VPS36: variants seen among roughly 807,000 people sequenced by gnomAD.
VPS36 encodes the protein vacuolar protein sorting 36 homolog, also known as vacuolar protein-sorting-associated protein 36.
In VPS36, 31 loss-of-function variants were observed where a neutral mutation model predicts 63.5. That is an observed-to-expected ratio of 0.49 (90% CI 0.37 to 0.66). The LOEUF is 0.66. Ranked by LOEUF, VPS36 falls within the 30% of genes least tolerant of loss-of-function variation. VPS36 has a pLI of 0.00. For missense variants in VPS36, 338 were observed against 463.7 expected (o/e 0.73, Z 2.49); for synonymous variants, 138 against 157.2 (o/e 0.88, Z 0.91).
At chr13:52,426,964 G>T in intron 8 of VPS36, 25 bp downstream of exon 8, 1 of 1,553,164 alleles carries the variant, frequency 6.4e-7, no homozygotes, top group Non-Finnish European at 8.8e-7. Context: ...AGTTTCAAAT[G>T]CCTTAAAAAA....
Position 52,426,057 on chromosome 13 carries a change from A to T in VPS36, c.649T>A (p.Phe217Ile), listed in dbSNP as rs1012947506. 1.2e-6 allele frequency: 2 copies of T among 1,612,312 alleles called. No individual in the cohort carries two copies. Among genetic ancestry groups the T allele is most frequent in the Non-Finnish European group, 1.7e-6 (2 of 1,179,598 alleles). Residue 217 changes from phenylalanine to isoleucine, a missense_variant, in exon 9 of 14, where the codon TTT (phenylalanine) becomes ATT (isoleucine). By Grantham distance (21) the Phe-to-Ile change is conservative. Transcript: ENST00000378060. ...GDITEDETIR[F>I]KSYLLSMGIA... ...CCCATGCTCAGCAAGTAGGATTTAAACCTGATGGTCTATAATAAAAAAGGA... is the reference window on the plus strand; with the variant it reads ...CCCATGCTCAGCAAGTAGGATTTAATCCTGATGGTCTATAATAAAAAAGGA...
chr13:52,425,380 A>G (rs983553467), intron 9 of VPS36, among the ~76,000 whole-genome samples: 1 of 152,220 alleles, frequency 6.6e-6, no homozygotes, highest in Non-Finnish European at 1.5e-5. Flanking sequence ...TTAGAGTTAC[A>G]TAATGAAATG....
chr13:52,416,813 C>T (rs960144449), intron 12 of VPS36, among the ~76,000 whole-genome samples: 1 of 152,234 alleles, frequency 6.6e-6, no homozygotes, highest in African/African-American at 2.4e-5. Flanking sequence ...AAGCACCTCA[C>T]TCACTAATTC....
intron 6 of VPS36, among the ~76,000 whole-genome samples, chr13:52,431,782 AGAAAG>A (rs1566086509): frequency 4.1e-5 from 6 of 147,796 alleles, no homozygotes; most frequent in South Asian, 2.2e-4. Context: ...AAAAAAAAAA[AGAAAG>A]AAAGAAACCA....
At position 52,418,061 on chromosome 13, in the gene VPS36, T is replaced by C. The variant is rs367656129; in HGVS notation, c.841-5A>G. ...TAAATCTTCTGGTGAGAGCAACTAA[T>C]AGGGAAAAAAAATCCAGTAATGCTA... On this transcript the variant is annotated splice_polypyrimidine_tract_variant and splice_region_variant and intron_variant, in intron 10 of 13. Transcript: ENST00000378060. The C allele has an allele frequency of 1.7e-5, 28 of 1,608,430 alleles. No homozygotes were observed. The highest frequency in any genetic ancestry group is 2.7e-5 in the African/African-American group (2 of 74,686).
Position 52,449,420 on chromosome 13 carries a change from G to A in VPS36, c.96+1079C>T, listed in dbSNP as rs190255172. Among the ~76,000 whole-genome samples the A allele has an allele frequency of 3.3e-3, 507 of 152,300 alleles. 6 individuals are homozygous for A. The highest frequency in any genetic ancestry group is 0.012 in the African/African-American group (478 of 41,562). On this transcript the variant is annotated intron_variant, in intron 1 of 13. Coordinates refer to ENST00000378060, the MANE Select transcript of VPS36 (RefSeq NM_016075.4). ...GTCCAAGCAAATTATTTAAGGAAAA[G>A]ACCTTTACTCACTAATACAGGCAAC... is the stretch of plus-strand genomic sequence containing the variant.
intron 4 of VPS36, among the ~76,000 whole-genome samples, chr13:52,435,735 T>C (rs897540665): frequency 6.6e-6 from 1 of 152,292 alleles, no homozygotes; most frequent in East Asian, 1.9e-4. Flanking sequence ...CTGGGTGAGG[T>C]GATATAGAAA....
intron 1 of VPS36, among the ~76,000 whole-genome samples, chr13:52,444,465 T>A (rs1009870407): frequency 1.2e-4 from 17 of 147,798 alleles, no homozygotes; most frequent in South Asian, 2.1e-4. Flanking sequence ...GTTTAAAAAA[T>A]ACATATATAT....
rs775522140 is a variant in VPS36, at chr13:52,436,392, C to T, written c.249G>A (p.Val83=). The change falls in exon 4 of 14, where the codon GTG becomes GTA. Residue 83 remains valine, a synonymous_variant. Transcript: ENST00000378060. ...TAGGAGGAGCTGGGTGAAGATGAACCACTATTTTGGCACTGAAGAAAGAAC... is the reference window on the plus strand; with the variant it reads ...TAGGAGGAGCTGGGTGAAGATGAACTACTATTTTGGCACTGAAGAAAGAAC... The part of the protein sequence containing the change: ...AAGIGKSAKI[V]VHLHPAPPNK... The T allele has an allele frequency of 1.3e-5, 21 of 1,610,590 alleles. No homozygotes were observed. Among genetic ancestry groups the T allele is most frequent in the South Asian group, 1.0e-4 (9 of 90,176 alleles).
At chr13:52,436,193 A>G (rs1958213307) in intron 4 of VPS36, 97 bp downstream of exon 4, 6 of 759,266 alleles carry the variant, frequency 7.9e-6, no homozygotes, top group Non-Finnish European at 1.3e-5. Context: ...GTATAATACT[A>G]CCTTCCATCA....
At chr13:52,447,839 G>A (rs929354504) in intron 1 of VPS36, among the ~76,000 whole-genome samples, 1 of 150,918 alleles carries the variant, frequency 6.6e-6, no homozygotes, top group African/African-American at 2.4e-5. Context: ...CTGGAGTGCA[G>A]TGGCACAATC....
chr13:52,426,923 A>G (rs1439770274), intron 8 of VPS36, 66 bp downstream of exon 8: 178 of 1,059,238 alleles, frequency 1.7e-4, no homozygotes, highest in Non-Finnish European at 5.6e-6. Flanking sequence ...GCCAATGTAA[A>G]CCACAAAAAC....
At chr13:52,445,779 TACAAAA>T (rs1958332735) in intron 1 of VPS36, among the ~76,000 whole-genome samples, 1 of 85,580 alleles carries the variant, frequency 1.2e-5, no homozygotes, top group African/African-American at 3.4e-5. Flanking sequence ...CTACTAAAAA[TACAAAA>T]AAAAAATAGC....
At chr13:52,429,398 TTCCA>T in intron 6 of VPS36, 1 of 657,748 alleles carries the variant, frequency 1.5e-6, no homozygotes, top group Non-Finnish European at 1.9e-6. Context: ...AGCCTTTGAC[TTCCA>T]TATTCCTGCT....
At chr13:52,450,182 C>T (rs1453842880) in intron 1 of VPS36, 10 of 1,023,684 alleles carry the variant, frequency 9.8e-6, no homozygotes, top group Non-Finnish European at 1.1e-5. Flanking sequence ...GGCGAGCGCT[C>T]CTTCTCCCGG....
At chr13:52,420,211 C>T (rs1406121128) in intron 10 of VPS36, among the ~76,000 whole-genome samples, 1 of 148,406 alleles carries the variant, frequency 6.7e-6, no homozygotes, top group Non-Finnish European at 1.5e-5. Flanking sequence ...CACTGCACTC[C>T]AGCCTGGGTG....
chr13:52,442,758 G>A (rs61959666), intron 1 of VPS36, among the ~76,000 whole-genome samples: 6,038 of 152,282 alleles, frequency 0.04, 136 homozygotes, highest in South Asian at 0.07. Flanking sequence ...TAAGACATTG[G>A]ATGAGTGGGA....
At chr13:52,437,772 T>C (rs937503952) in intron 3 of VPS36, among the ~76,000 whole-genome samples, 1 of 151,784 alleles carries the variant, frequency 6.6e-6, no homozygotes, top group Admixed American at 6.6e-5. Context: ...CTACTAAAAA[T>C]ACAAAAAATT....
chr13:52,439,120 G>A lies in VPS36; in HGVS notation c.214C>T (p.Gln72Ter). The A allele has an allele frequency of 6.2e-7, 1 of 1,613,798 alleles. No individual in the cohort carries two copies. Among genetic ancestry groups the A allele is most frequent in the Non-Finnish European group, 8.5e-7 (1 of 1,179,890 alleles). The change falls in exon 3 of 14, where the codon CAG (glutamine) becomes TAG (stop). Residue 72 changes from glutamine (Q) to a stop codon, truncating the protein, a stop_gained. Transcript: ENST00000378060. LOFTEE classifies it high-confidence loss of function. ...TACCTCTTCCCAATTCCAGCCGCCTGTTCTTCAATGAACACAATTTGGGAA... is the reference window on the plus strand; with the variant it reads ...TACCTCTTCCCAATTCCAGCCGCCTATTCTTCAATGAACACAATTTGGGAA... Reference protein sequence around the residue: ...LLSQIVFIEEQAAGIGKSAKI... With the variant: ...LLSQIVFIEE
Sources: gnomAD v4.1 joint callset for allele counts (sites outside exome capture counted in the v4.1 genomes callset) on GRCh38, gnomAD v4.1.1 for gene constraint, MANE v1.5 for transcripts, NCBI Gene and HGNC (gene_info 2026-07-23, HGNC 2026-07-21) for gene names.